Variants in LIPE observed in about 807,000 individuals in gnomAD.
LIPE encodes the protein lipase E, hormone sensitive type.
Under a neutral mutation model 88.5 loss-of-function variants are expected in LIPE, and 66 were observed. The ratio of observed to expected loss-of-function variants is 0.75; its 90% confidence interval spans 0.61 to 0.91. LIPE has a LOEUF of 0.91. Among genes scored for constraint, LIPE ranks in the 40% least tolerant of loss-of-function variants. The pLI, the probability that LIPE is intolerant of heterozygous loss-of-function variation, is 0.00. For synonymous variants in LIPE, 570 were observed against 617.5 expected (o/e 0.92, Z 1.14); for missense variants, 1,346 against 1,434.7 (o/e 0.94, Z 1.00).
intron 8 of LIPE, among the ~76,000 whole-genome samples, chr19:42,404,971 A>C (rs1214666629): frequency 6.6e-6 from 1 of 152,116 alleles, no homozygotes; most frequent in African/African-American, 2.4e-5. Flanking sequence ...CCCAGGTTCA[A>C]GCGGTTCTCA....
At position 42,407,751 on chromosome 19, in the gene LIPE, C is replaced by T. The variant is rs143680557; in HGVS notation, c.1697G>A (p.Arg566His). ...GGCTTCGGGTGGCAGGCTGAGCAGG[C>T]GGCTTACCCTCACGGTGGCCGATGC... is the stretch of plus-strand genomic sequence containing the variant. ...NMASATVRVSRLLSLPPEAFE... is the reference protein window; with the variant it reads ...NMASATVRVSHLLSLPPEAFE... Residue 566 changes from arginine to histidine, a missense_variant, in exon 5 of 10, where the codon CGC (arginine) becomes CAC (histidine). Coordinates refer to ENST00000244289, the MANE Select transcript of LIPE (RefSeq NM_005357.4). This position sits in a 1 kb window ranked among gnomAD's most constrained non-coding sequence, Gnocchi z 5.8. 4.8e-5 allele frequency: 74 copies of T among 1,557,182 alleles called. No homozygotes were observed. The highest frequency in any genetic ancestry group is 5.9e-5 in the Non-Finnish European group (68 of 1,151,786).
At position 42,401,997 on chromosome 19, in the gene LIPE, G is replaced by A; in HGVS notation, c.3046C>T (p.Leu1016=). ...TGCGGCAGGTCCTCCACCACGCGCAGCGTCACCGGCTGGCCCAGGTTGCGC... is the reference window on the plus strand; with the variant it reads ...TGCGGCAGGTCCTCCACCACGCGCAACGTCACCGGCTGGCCCAGGTTGCGC... ...RLRNLGQPVT[L]RVVEDLPHGF... is the part of the protein sequence containing the mutation. The change falls in exon 10 of 10, where the codon CTG becomes TTG. Residue 1016 remains leucine, a synonymous_variant. Transcript: ENST00000244289. 2.6e-6 allele frequency: 4 copies of A among 1,553,856 alleles called. No homozygotes were observed. The highest frequency in any genetic ancestry group is 3.5e-6 in the Non-Finnish European group (4 of 1,151,454).
Position 42,401,762 on chromosome 19 carries a change from C to T in LIPE, c.*50G>A. The T allele has an allele frequency of 1.5e-6, 2 of 1,346,298 alleles. No individual in the cohort carries two copies. The highest frequency in any genetic ancestry group is 1.9e-6 in the Non-Finnish European group (2 of 1,036,452). 83.4% of individuals were successfully genotyped at this position (1,346,298 alleles called of 1,614,324 possible). ...ACAGCCCGCGTCCCCTTCCGCCCGG[C>T]CCGGAAGGCATTCATGACGGAGGCC... On this transcript the variant is annotated 3_prime_UTR_variant, in exon 10 of 10. Coordinates refer to ENST00000244289, the MANE Select transcript of LIPE (RefSeq NM_005357.4).
chr19:42,403,292 T>TGAGAGA, intron 8 of LIPE, among the ~76,000 whole-genome samples: 1 of 129,216 alleles, frequency 7.7e-6, no homozygotes, highest in South Asian at 2.6e-4. Context: ...TGTGTGTGTG[T>TGAGAGA]GACTGGGAAG....
chr19:42,421,854 C>G (rs762216714), intron 1 of LIPE, among the ~76,000 whole-genome samples: 11 of 152,226 alleles, frequency 7.2e-5, no homozygotes, highest in Non-Finnish European at 1.2e-4. Context: ...ATTAATTTAT[C>G]TAAAGCCTGG....
At position 42,401,829 on chromosome 19, in the gene LIPE, AG is replaced by A; in HGVS notation, c.3213del (p.Cys1072AlafsTer104). ...GETGAAGVDG[G>X]CGGRH is the part of the protein sequence containing the mutation. ...ACAGGCTTTTAGTGTCGCCCCCCGCAGCCCCCGTCTACCCCCGCAGCCCCCG... is the reference window on the plus strand; with the variant it reads ...ACAGGCTTTTAGTGTCGCCCCCCGCACCCCCGTCTACCCCCGCAGCCCCCG... On this transcript the variant is annotated frameshift_variant, in exon 10 of 10. Transcript: ENST00000244289. LOFTEE classifies it high-confidence loss of function. 1 of 457,544 alleles carries A rather than the reference AG, an allele frequency of 2.2e-6. No individual in the cohort carries two copies. Among genetic ancestry groups the A allele is most frequent in the African/African-American group, 2.4e-5 (1 of 40,914 alleles). 28.3% of individuals were successfully genotyped at this position (457,544 alleles called of 1,614,324 possible).
At position 42,407,144 on chromosome 19, in the gene LIPE, C is replaced by T. The variant is rs1172540818; in HGVS notation, c.2137+30G>A. 5.4e-6 allele frequency: 8 copies of T among 1,468,088 alleles called. No homozygotes were observed. Among genetic ancestry groups the T allele is most frequent in the South Asian group, 2.8e-5 (2 of 72,554 alleles). 90.9% of individuals were successfully genotyped at this position (1,468,088 alleles called of 1,614,324 possible). ...GCAAGCTGGGTGGGATGGGAGCAGGCGCAGGTGGCTGTGGGGGCCTGAGGC... is the reference window on the plus strand; with the variant it reads ...GCAAGCTGGGTGGGATGGGAGCAGGTGCAGGTGGCTGTGGGGGCCTGAGGC... On this transcript the variant is annotated intron_variant, in intron 6 of 9. Coordinates refer to ENST00000244289, the MANE Select transcript of LIPE (RefSeq NM_005357.4). This position sits in a 1 kb window ranked among gnomAD's most constrained non-coding sequence, Gnocchi z 5.8.
Position 42,407,387 on chromosome 19 carries a change from G to A in LIPE, c.1924C>T (p.Arg642Cys), listed in dbSNP as rs760506103. ...AAGTGCACTATCAGGGACCGCGAGC[G>A]GGGTGCCTGCTGGGGGCGCGGCCAC... ...ELWPRPQQAP[R>C]SRSLIVHFHG... Residue 642 changes from arginine (R) to cysteine (C), a missense_variant, in exon 6 of 10, where the codon CGC (arginine) becomes TGC (cysteine). Coordinates refer to ENST00000244289, the MANE Select transcript of LIPE (RefSeq NM_005357.4). The surrounding 1 kb of genome is among the most constrained non-coding windows in gnomAD (Gnocchi z 5.8). The A allele has an allele frequency of 1.9e-6, 3 of 1,613,558 alleles. No homozygotes were observed. Among genetic ancestry groups the A allele is most frequent in the East Asian group, 2.2e-5 (1 of 44,878 alleles).
intron 2 of LIPE, among the ~76,000 whole-genome samples, chr19:42,409,582 G>A (rs2040307157): frequency 6.6e-6 from 1 of 152,136 alleles, no homozygotes; most frequent in South Asian, 2.1e-4. Context: ...CCCTCCCGGG[G>A]ACGGACATTT....
chr19:42,425,316 C>G (rs1348862022), intron 1 of LIPE: 1 of 152,622 alleles, frequency 6.6e-6, no homozygotes, highest in Non-Finnish European at 1.5e-5. Context: ...AAGAGGGCCG[C>G]TTTCCTGGTC....
At position 42,426,319 on chromosome 19, in the gene LIPE, C is replaced by T. The variant is rs1283412756; in HGVS notation, c.831G>A (p.Thr277=). 6.8e-6 allele frequency: 11 copies of T among 1,608,940 alleles called. No homozygotes were observed. Among genetic ancestry groups the T allele is most frequent in the South Asian group, 1.1e-5 (1 of 91,012 alleles). The change falls in exon 1 of 10, where the codon ACG becomes ACA. Residue 277 remains threonine (T), a synonymous_variant. Transcript: ENST00000244289. The stretch of plus-strand genomic sequence containing the variant: ...GAGCACTGGTTTTCTCATGTGGCGA[C>T]GTCCCACTGTATCCTGACATCACTT... The part of the protein sequence containing the change: ...GYKVMSGYSG[T]SPHEKTSARN...
At position 42,408,352 on chromosome 19, in the gene LIPE, C is replaced by T. The variant is rs759513483; in HGVS notation, c.1420-30G>A. 32 of 1,577,614 alleles carry T rather than the reference C, an allele frequency of 2.0e-5. No homozygotes were observed. The highest frequency in any genetic ancestry group is 1.5e-4 in the Admixed American group (9 of 59,956). ...GGAGAGACGCGGCTGCGTCACCCAC[C>T]GCTCAAGAGAGGGATGGGGACAGGG... On this transcript the variant is annotated intron_variant, in intron 2 of 9. Coordinates refer to ENST00000244289, the MANE Select transcript of LIPE (RefSeq NM_005357.4). The surrounding 1 kb of genome is among the most constrained non-coding windows in gnomAD (Gnocchi z 4.3).
chr19:42,404,377 C>T (rs765208911), intron 8 of LIPE, among the ~76,000 whole-genome samples: 1 of 151,992 alleles, frequency 6.6e-6, no homozygotes, highest in Non-Finnish European at 1.5e-5. Flanking sequence ...ATTACAGATG[C>T]ATGCCACCAT....
In LIPE at chr19:42,408,169, T is replaced by C; in HGVS notation, c.1511-48A>G. 1 of 1,613,742 alleles carries C rather than the reference T, an allele frequency of 6.2e-7. No individual in the cohort carries two copies. Among genetic ancestry groups the C allele is most frequent in the East Asian group, 2.2e-5 (1 of 44,868 alleles). ...GGGAGCCCCAGTGGGTCAGGCTGCT[T>C]GGGCAGGAGTGGGGAGGAGGGCCAA... On this transcript the variant is annotated intron_variant, in intron 3 of 9. Transcript: ENST00000244289. This position sits in a 1 kb window ranked among gnomAD's most constrained non-coding sequence, Gnocchi z 4.3.
rs112932635 is a variant in LIPE at position 42,419,639 on chromosome 19, A to C, written c.883+6628T>G. ...TCTTTGCCCTGAAGAGTTTCTGGAC[A>C]GCTGAATCCGACTCCTGGGGACTGA... is the stretch of plus-strand genomic sequence containing the variant. On this transcript the variant is annotated intron_variant, in intron 1 of 9. Coordinates refer to ENST00000244289, the MANE Select transcript of LIPE (RefSeq NM_005357.4). Among the ~76,000 whole-genome samples the C allele has an allele frequency of 2.3e-3, 314 of 139,440 alleles. 2 individuals are homozygous for C. The highest frequency in any genetic ancestry group is 7.8e-3 in the African/African-American group (294 of 37,764). The allele number at this position is 139,440 out of a possible 152,430, so 91.5% of individuals were successfully genotyped here. A position where few individuals can be genotyped will look rare whatever the true frequency, so the allele number is the denominator to read the frequency against.
chr19:42,427,056 T>G lies in LIPE; in HGVS notation c.94A>C (p.Thr32Pro). ...ITPLEPGPEKTPIAQPESKTL... is the reference protein window; with the variant it reads ...ITPLEPGPEKPPIAQPESKTL... ...TTCGATTCTGGCTGGGCTATGGGTGTCTTTTCTGGCCCAGGCTCTAGCGGG... is the reference window on the plus strand; with the variant it reads ...TTCGATTCTGGCTGGGCTATGGGTGGCTTTTCTGGCCCAGGCTCTAGCGGG... The change falls in exon 1 of 10, where the codon ACA becomes CCA. Residue 32 changes from threonine (T) to proline (P), a missense_variant. Thr to Pro is a conservative substitution (Grantham distance 38, BLOSUM62 -1). Transcript: ENST00000244289. 1 of 1,613,574 alleles carries G rather than the reference T, an allele frequency of 6.2e-7. No homozygotes were observed. The highest frequency in any genetic ancestry group is 1.3e-5 in the African/African-American group (1 of 74,808).
chr19:42,408,339 C>G lies in LIPE; in HGVS notation c.1420-17G>C. The G allele has an allele frequency of 6.2e-7, 1 of 1,605,630 alleles. No homozygotes were observed. The highest frequency in any genetic ancestry group is 8.5e-7 in the Non-Finnish European group (1 of 1,172,584). ...AGGCGTGAACTGTGGAGAGACGCGG[C>G]TGCGTCACCCACCGCTCAAGAGAGG... On this transcript the variant is annotated splice_polypyrimidine_tract_variant and intron_variant, in intron 2 of 9. Coordinates refer to ENST00000244289, the MANE Select transcript of LIPE (RefSeq NM_005357.4). This position sits in a 1 kb window ranked among gnomAD's most constrained non-coding sequence, Gnocchi z 4.3.
In LIPE at chr19:42,406,488, G is replaced by T; in HGVS notation, c.2138-100C>A. 1.0e-6 allele frequency: 1 copy of T among 995,882 alleles called. No homozygotes were observed. The highest frequency in any genetic ancestry group is 1.5e-6 in the Non-Finnish European group (1 of 650,984). The allele number at this position is 995,882 out of a possible 1,614,324, so 61.7% of individuals were successfully genotyped here. A position where few individuals can be genotyped will look rare whatever the true frequency, so the allele number is the denominator to read the frequency against. ...AAGCTGGGAGAACTGGGCTCTCCAA[G>T]GTGGGGTGTGGGGCACTCCAAGGCC... is the stretch of plus-strand genomic sequence containing the variant. On this transcript the variant is annotated intron_variant, in intron 6 of 9. Coordinates refer to ENST00000244289, the MANE Select transcript of LIPE (RefSeq NM_005357.4). The surrounding 1 kb of genome is among the most constrained non-coding windows in gnomAD (Gnocchi z 5.7).
intron 8 of LIPE, 23 bp downstream of exon 8, chr19:42,405,361 AT>A: frequency 6.2e-7 from 1 of 1,608,360 alleles, no homozygotes; most frequent in South Asian, 1.1e-5. Context: ...CTGGCTGGGC[AT>A]GTGACGGGAG....
Sources: allele counts gnomAD v4.1 joint callset (sites outside exome capture counted in the v4.1 genomes callset), GRCh38; gene constraint gnomAD v4.1.1; non-coding constraint Gnocchi (gnomAD v3.1); transcripts MANE v1.5; gene names NCBI Gene and HGNC (gene_info 2026-07-23, HGNC 2026-07-21).